FHL5: variants seen among roughly 807,000 people sequenced by gnomAD.
The protein encoded by FHL5 is four and a half LIM domains 5.
In FHL5, 33 loss-of-function variants were observed where a neutral mutation model predicts 32.0. The ratio of observed to expected loss-of-function variants is 1.03; its 90% CI spans 0.78 to 1.38. The LOEUF (loss-of-function observed/expected upper bound fraction) is 1.38, where lower values mean the gene tolerates loss of function less well. FHL5 is among the 40% of genes most tolerant of loss of function. The pLI is 0.00. For missense variants in FHL5, 336 were observed against 343.9 expected (o/e 0.98, Z 0.18); for synonymous variants, 114 against 113.6 (o/e 1.00, Z -0.02).
intron 1 of FHL5, among the ~76,000 whole-genome samples, chr6:96,591,558 C>G (rs1770917872): frequency 6.6e-6 from 1 of 152,044 alleles, no homozygotes; most frequent in East Asian, 1.9e-4. Context: ...GTCAAAAGAT[C>G]TTTTACCTGG....
intron 5 of FHL5, among the ~76,000 whole-genome samples, chr6:96,613,262 A>G (rs1014905662): frequency 5.9e-5 from 9 of 152,204 alleles, no homozygotes; most frequent in African/African-American, 2.2e-4. Flanking sequence ...TATTTTTTTA[A>G]AAAGCTCTGA....
In FHL5 at chr6:96,604,847, A is replaced by T. The variant is rs1220331580; in HGVS notation, c.257A>T (p.Glu86Val). 6.2e-7 allele frequency: 1 copy of T among 1,613,994 alleles called. No individual in the cohort carries two copies. Among genetic ancestry groups the T allele is most frequent in the Non-Finnish European group, 8.5e-7 (1 of 1,179,954 alleles). ...GAAAAGCCTTTTGCTGCCAAGGATG[A>T]GCGCCTGCTGTGCACGGAGTGCTAT... ...LVEKPFAAKDERLLCTECYSN... is the reference protein window; with the variant it reads ...LVEKPFAAKDVRLLCTECYSN... Residue 86 changes from glutamate (E) to valine (V), a missense_variant, in exon 3 of 6, where the codon GAG (glutamate) becomes GTG (valine). Glu to Val is a moderately radical substitution (Grantham distance 121, BLOSUM62 -2). Coordinates refer to ENST00000450218, the MANE Select transcript of FHL5 (RefSeq NM_001322466.2).
At chr6:96,599,382 C>T (rs572094998) in intron 1 of FHL5, among the ~76,000 whole-genome samples, 1 of 151,840 alleles carries the variant, frequency 6.6e-6, no homozygotes, top group African/African-American at 2.4e-5. Context: ...TTTAGTAGAG[C>T]AGGGGTTTCT....
intron 5 of FHL5, among the ~76,000 whole-genome samples, chr6:96,611,413 A>G (rs1453631816): frequency 7.2e-5 from 11 of 152,222 alleles, no homozygotes; most frequent in Non-Finnish European, 1.6e-4. Flanking sequence ...TGATAAATCA[A>G]TCCATGTTAA....
At chr6:96,570,853 TG>T in intron 1 of FHL5, among the ~76,000 whole-genome samples, 1 of 152,242 alleles carries the variant, frequency 6.6e-6, no homozygotes, top group Non-Finnish European at 1.5e-5. Context: ...GTTCTTTTTA[TG>T]ATTTTTATCT....
At chr6:96,576,139 C>T (rs1770580146) in intron 1 of FHL5, among the ~76,000 whole-genome samples, 1 of 152,196 alleles carries the variant, frequency 6.6e-6, no homozygotes, top group Non-Finnish European at 1.5e-5. Context: ...ACCTTCAAGG[C>T]ACAGCTCTAA....
chr6:96,613,514 C>G (rs943862548), intron 5 of FHL5, among the ~76,000 whole-genome samples: 3 of 152,232 alleles, frequency 2.0e-5, no homozygotes, highest in Non-Finnish European at 4.4e-5. Context: ...TAACTCACCT[C>G]AGGGGTGGGG....
rs752394623 is a variant in FHL5, at chr6:96,616,431, G to A, written c.*659G>A. On this transcript the variant is annotated 3_prime_UTR_variant, in exon 6 of 6. Transcript: ENST00000450218. ...ATTATGGCTCTCATAATCTGCATAG[G>A]TATAAAGAGGATCATTTCTACCTAG... 1 of 152,068 alleles carries A rather than the reference G, an allele frequency of 6.6e-6. No homozygotes were observed. The highest frequency in any genetic ancestry group is 1.5e-5 in the Non-Finnish European group (1 of 68,028). The allele number at this position is 152,068 out of a possible 1,614,324, so 9.4% of individuals were successfully genotyped here.
At chr6:96,578,927 C>T (rs972136389) in intron 1 of FHL5, among the ~76,000 whole-genome samples, 1 of 152,084 alleles carries the variant, frequency 6.6e-6, no homozygotes, top group Non-Finnish European at 1.5e-5. Context: ...TGCGAAATTT[C>T]ATTTTGTAGA....
chr6:96,594,615 A>T (rs1374527351), intron 1 of FHL5, among the ~76,000 whole-genome samples: 1 of 151,990 alleles, frequency 6.6e-6, no homozygotes, highest in Non-Finnish European at 1.5e-5. Flanking sequence ...CTTTTGGATC[A>T]TCTTTGGAAT....
At chr6:96,564,306 C>T (rs1294831988) in intron 1 of FHL5, among the ~76,000 whole-genome samples, 1 of 152,116 alleles carries the variant, frequency 6.6e-6, no homozygotes, top group Non-Finnish European at 1.5e-5. Context: ...GTATTGCAAA[C>T]ATATGTATCA....
chr6:96,613,332 AT>A (rs1329477426), intron 5 of FHL5, among the ~76,000 whole-genome samples: 1 of 152,226 alleles, frequency 6.6e-6, no homozygotes, highest in Non-Finnish European at 1.5e-5. Flanking sequence ...GAACTGCTTC[AT>A]TTGAACAAAC....
intron 1 of FHL5, among the ~76,000 whole-genome samples, chr6:96,564,916 A>G (rs1770320137): frequency 6.6e-6 from 1 of 152,090 alleles, no homozygotes; most frequent in Admixed American, 6.6e-5. Flanking sequence ...GAAGAGGAGG[A>G]GAAGGAGGAC....
intron 1 of FHL5, among the ~76,000 whole-genome samples, chr6:96,600,753 A>G (rs990698436): frequency 6.6e-6 from 1 of 152,198 alleles, no homozygotes; most frequent in African/African-American, 2.4e-5. Flanking sequence ...TATTTTTTCT[A>G]ACCAAGAAGA....
chr6:96,564,214 C>T (rs779609259), intron 1 of FHL5, among the ~76,000 whole-genome samples: 24 of 152,136 alleles, frequency 1.6e-4, no homozygotes, highest in Non-Finnish European at 3.2e-4. Flanking sequence ...CCATTTTAGC[C>T]CTCATTTTAT....
At chr6:96,594,463 A>C (rs932329747) in intron 1 of FHL5, among the ~76,000 whole-genome samples, 3 of 151,556 alleles carry the variant, frequency 2.0e-5, no homozygotes, top group African/African-American at 7.3e-5. Flanking sequence ...AGTTACAGTT[A>C]ACAAAAATAT....
chr6:96,572,680 C>G lies in FHL5; in HGVS notation c.-13+9325C>G, dbSNP rs1439169652. On this transcript the variant is annotated intron_variant, in intron 1 of 5. Transcript: ENST00000450218. Reference sequence around the variant, plus strand: ...CAGCTATATAGACTCCAGGCAGCTTCACCATGTGGGCTTGGTGCCTAAGAA... The same window carrying G: ...CAGCTATATAGACTCCAGGCAGCTTGACCATGTGGGCTTGGTGCCTAAGAA... Among the ~76,000 whole-genome samples the G allele has an allele frequency of 2.0e-5, 3 of 152,306 alleles. No individual in the cohort carries two copies. In the East Asian group the frequency reaches 5.8e-4, roughly 29 times the overall value.
chr6:96,592,258 G>A (rs1167081422), intron 1 of FHL5, among the ~76,000 whole-genome samples: 2 of 152,096 alleles, frequency 1.3e-5, no homozygotes, highest in Non-Finnish European at 1.5e-5. Context: ...CATTGTAGAG[G>A]CCCACCCTCA....
At chr6:96,611,751 C>T (rs935856234) in intron 5 of FHL5, among the ~76,000 whole-genome samples, 1 of 152,094 alleles carries the variant, frequency 6.6e-6, no homozygotes, top group Non-Finnish European at 1.5e-5. Flanking sequence ...AAAAGTTTCA[C>T]AGCAAACCCC....
Sources: allele counts gnomAD v4.1 joint callset (sites outside exome capture counted in the v4.1 genomes callset), GRCh38; gene constraint gnomAD v4.1.1; transcripts MANE v1.5; gene names NCBI Gene and HGNC (gene_info 2026-07-23, HGNC 2026-07-21).